Variants in SND1 observed in about 807,000 individuals in gnomAD.
The protein encoded by SND1 is staphylococcal nuclease and tudor domain containing 1.
Under a neutral mutation model 121.7 loss-of-function variants are expected in SND1, and 38 were observed. The observed-to-expected ratio is 0.31, with a 90% CI of 0.24 to 0.41. SND1 has a LOEUF of 0.41. Ranked by LOEUF, SND1 falls within the 10% of genes least tolerant of loss-of-function variation. The pLI is 1.00. For missense variants in SND1, 868 were observed against 1,184.6 expected (o/e 0.73, Z 3.92); for synonymous variants, 401 against 447.4 (o/e 0.90, Z 1.31).
intron 15 of SND1, among the ~76,000 whole-genome samples, chr7:127,979,713 A>G (rs1802213846): frequency 6.6e-6 from 1 of 152,226 alleles, no homozygotes; most frequent in Non-Finnish European, 1.5e-5. Flanking sequence ...GGTTCTTTGG[A>G]AAGGACCTCA....
chr7:127,812,403 C>A (rs1462827374), intron 11 of SND1, among the ~76,000 whole-genome samples: 1 of 152,190 alleles, frequency 6.6e-6, no homozygotes, highest in African/African-American at 2.4e-5. Context: ...TCAAGTCGTT[C>A]TTCAGAGAAA....
At chr7:128,075,354 C>T (rs1793490264) in intron 17 of SND1, among the ~76,000 whole-genome samples, 1 of 152,218 alleles carries the variant, frequency 6.6e-6, no homozygotes, top group Non-Finnish European at 1.5e-5. Context: ...TTTGTCAGGG[C>T]TTCTCTGAGC....
At chr7:127,964,810 A>C (rs1801819171) in intron 15 of SND1, among the ~76,000 whole-genome samples, 2 of 118,752 alleles carry the variant, frequency 1.7e-5, no homozygotes, top group Non-Finnish European at 3.4e-5. Context: ...TGGTAGCTTG[A>C]TGGGGATGGC....
Position 128,092,263 on chromosome 7 carries a change from A to G in SND1, c.*205A>G. On this transcript the variant is annotated 3_prime_UTR_variant, in exon 24 of 24. Transcript: ENST00000354725. The surrounding 1 kb of genome is among the most constrained non-coding windows in gnomAD (Gnocchi z 4.9). ...CTGGGGCAGACCCTTGTCCTCTGGG[A>G]TGATGGGCACTGCTATCCACAGTCT... is the stretch of plus-strand genomic sequence containing the variant. 1 of 590,696 alleles carries G rather than the reference A, an allele frequency of 1.7e-6. No individual in the cohort carries two copies. The allele number at this position is 590,696 out of a possible 1,614,324, so 36.6% of individuals were successfully genotyped here.
chr7:127,940,419 T>C (rs1801168871), intron 15 of SND1, among the ~76,000 whole-genome samples: 1 of 152,110 alleles, frequency 6.6e-6, no homozygotes, highest in Admixed American at 6.5e-5. Context: ...GGGAGTCCAT[T>C]TGGTCAGACT....
At chr7:127,979,271 C>T (rs1240208897) in intron 15 of SND1, among the ~76,000 whole-genome samples, 2 of 152,154 alleles carry the variant, frequency 1.3e-5, no homozygotes, top group African/African-American at 4.8e-5. Context: ...AAACAGCACT[C>T]GAACATAAAT....
intron 11 of SND1, among the ~76,000 whole-genome samples, chr7:127,824,234 C>T (rs1457234738): frequency 6.6e-6 from 1 of 152,176 alleles, no homozygotes; most frequent in Non-Finnish European, 1.5e-5. Context: ...AGAAAAAAAT[C>T]TGATTTTATA....
intron 10 of SND1, among the ~76,000 whole-genome samples, chr7:127,795,289 A>G (rs1192087702): frequency 3.3e-5 from 5 of 152,220 alleles, no homozygotes; most frequent in Admixed American, 3.3e-4. Context: ...AGAGCAAAGG[A>G]AGAGCTCTAT....
At chr7:127,927,882 T>C (rs887731705) in intron 14 of SND1, among the ~76,000 whole-genome samples, 3 of 152,192 alleles carry the variant, frequency 2.0e-5, no homozygotes, top group African/African-American at 7.2e-5. Flanking sequence ...CTTGGCTGGG[T>C]GCAGACTGCT....
intron 4 of SND1, among the ~76,000 whole-genome samples, chr7:127,700,260 G>A (rs1275898401): frequency 6.6e-6 from 1 of 152,102 alleles, no homozygotes; most frequent in Non-Finnish European, 1.5e-5. Context: ...TTTGTGTTTG[G>A]TTCAATCTCT....
chr7:127,743,668 G>C (rs759759216), intron 10 of SND1, among the ~76,000 whole-genome samples: 1 of 152,168 alleles, frequency 6.6e-6, no homozygotes, highest in African/African-American at 2.4e-5. Flanking sequence ...ACTTGAGATG[G>C]TCACCTTATT....
At chr7:128,064,409 A>G (rs1793279531) in intron 16 of SND1, among the ~76,000 whole-genome samples, 1 of 152,168 alleles carries the variant, frequency 6.6e-6, no homozygotes, top group Non-Finnish European at 1.5e-5. Context: ...AAAGCTGGGC[A>G]TGGCAATAAG....
chr7:127,929,381 A>T, intron 15 of SND1, 52 bp downstream of exon 15: 1 of 1,582,404 alleles, frequency 6.3e-7, no homozygotes, highest in Non-Finnish European at 8.7e-7. Flanking sequence ...ATCCCTGGAA[A>T]CCACATACCC....
At chr7:127,986,064 A>G (rs1238931833) in intron 15 of SND1, among the ~76,000 whole-genome samples, 1 of 152,226 alleles carries the variant, frequency 6.6e-6, no homozygotes, top group Non-Finnish European at 1.5e-5. Context: ...CCACTGCCCA[A>G]TAAAGGAAAA....
intron 15 of SND1, among the ~76,000 whole-genome samples, chr7:127,933,018 C>T (rs1342845656): frequency 6.6e-6 from 1 of 152,148 alleles, no homozygotes; most frequent in Non-Finnish European, 1.5e-5. Context: ...GAAAGAAAAG[C>T]ATCCTTTTGG....
intron 10 of SND1, among the ~76,000 whole-genome samples, chr7:127,752,446 G>A (rs573296273): frequency 4.9e-4 from 75 of 152,346 alleles, no homozygotes; most frequent in Middle Eastern, 3.4e-3. Flanking sequence ...GACCCAGCCA[G>A]CCTTTCACTG....
intron 10 of SND1, among the ~76,000 whole-genome samples, chr7:127,749,071 G>A (rs1466410324): frequency 2.1e-5 from 3 of 144,910 alleles, no homozygotes; most frequent in Non-Finnish European, 1.5e-5. Flanking sequence ...TTGAGACAGG[G>A]TCTCACTCTG....
intron 16 of SND1, chr7:128,028,543 T>C (rs1364453513): frequency 1.5e-5 from 12 of 801,946 alleles, no homozygotes; most frequent in South Asian, 2.4e-5. Context: ...AATTTTAATA[T>C]AATCTGTTTT....
Position 127,669,106 on chromosome 7 carries a change from C to T in SND1, c.78+16655C>T, listed in dbSNP as rs375882331. Among the ~76,000 whole-genome samples, 23 of 152,258 alleles carry T rather than the reference C, an allele frequency of 1.5e-4. No individual in the cohort carries two copies. In the East Asian group the frequency reaches 3.5e-3, roughly 23 times the overall value. ...CTTCCAGGTTCAAGCGATTCTTCTGCGTCAGCCTCCTGAATAGCTGGGACT... is the reference window on the plus strand; with the variant it reads ...CTTCCAGGTTCAAGCGATTCTTCTGTGTCAGCCTCCTGAATAGCTGGGACT... On this transcript the variant is annotated intron_variant, in intron 1 of 23. Transcript: ENST00000354725.
Sources: allele counts gnomAD v4.1 joint callset (sites outside exome capture counted in the v4.1 genomes callset), GRCh38; gene constraint gnomAD v4.1.1; non-coding constraint Gnocchi (gnomAD v3.1); transcripts MANE v1.5; gene names NCBI Gene and HGNC (gene_info 2026-07-23, HGNC 2026-07-21).